The following CLDN20 variants were observed in gnomAD, a reference collection of about 807,000 sequenced individuals.
The protein encoded by CLDN20 is claudin-20.
For missense variants in CLDN20, 258 were observed against 267.9 expected (o/e 0.96, Z 0.26); for synonymous variants, 104 against 103.6 (o/e 1.00, Z -0.03).
chr6:155,273,641 A>C (rs9397798), intron 1 of CLDN20, among the ~76,000 whole-genome samples: 12 of 151,874 alleles, frequency 7.9e-5, no homozygotes, highest in African/African-American at 2.4e-4. Flanking sequence ...CTGGTTCCCA[A>C]GGGAAACACA....
Position 155,276,414 on chromosome 6 carries a change from G to T in CLDN20, c.*35G>T. Reference sequence around the variant, plus strand: ...TAATGCATATGAAATGGAACTTTTGGGTGCCAAATGGGACTTTTAGATTAA... The same window carrying T: ...TAATGCATATGAAATGGAACTTTTGTGTGCCAAATGGGACTTTTAGATTAA... On this transcript the variant is annotated 3_prime_UTR_variant, in exon 2 of 2. Coordinates refer to ENST00000367165, the MANE Select transcript of CLDN20 (RefSeq NM_001001346.3). 1 of 1,554,002 alleles carries T rather than the reference G, an allele frequency of 6.4e-7. No homozygotes were observed. Among genetic ancestry groups the T allele is most frequent in the East Asian group, 2.3e-5 (1 of 44,136 alleles).
At chr6:155,268,657 C>T (rs747274445) in intron 1 of CLDN20, among the ~76,000 whole-genome samples, 4 of 152,024 alleles carry the variant, frequency 2.6e-5, no homozygotes, top group African/African-American at 9.7e-5. Flanking sequence ...ACCCCCAACC[C>T]GGTGCTCTCT....
chr6:155,274,591 C>CA (rs1456988191), intron 1 of CLDN20, among the ~76,000 whole-genome samples: 1 of 152,236 alleles, frequency 6.6e-6, no homozygotes, highest in Non-Finnish European at 1.5e-5. Context: ...GAAAGGACCT[C>CA]ATGTTCTTAT....
intron 1 of CLDN20, among the ~76,000 whole-genome samples, chr6:155,271,117 T>G (rs1254307277): frequency 6.6e-6 from 1 of 152,210 alleles, no homozygotes; most frequent in East Asian, 1.9e-4. Context: ...AAACATGTGT[T>G]TGTTTATTTA....
At chr6:155,267,545 T>C (rs1312398630) in intron 1 of CLDN20, among the ~76,000 whole-genome samples, 1 of 152,224 alleles carries the variant, frequency 6.6e-6, no homozygotes, top group Non-Finnish European at 1.5e-5. Flanking sequence ...GGACAAGCTC[T>C]GATTGGTGAG....
In CLDN20 at chr6:155,276,438, A is replaced by G. The variant is rs750017875; in HGVS notation, c.*59A>G. ...GGGTGCCAAATGGGACTTTTAGATTAAAAAAAAATCAGAATTATGCTTAAC... is the reference window on the plus strand; with the variant it reads ...GGGTGCCAAATGGGACTTTTAGATTGAAAAAAAATCAGAATTATGCTTAAC... On this transcript the variant is annotated 3_prime_UTR_variant, in exon 2 of 2. Coordinates refer to ENST00000367165, the MANE Select transcript of CLDN20 (RefSeq NM_001001346.3). The G allele has an allele frequency of 2.4e-5, 32 of 1,314,710 alleles. No homozygotes were observed. The highest frequency in any genetic ancestry group is 3.3e-5 in the Non-Finnish European group (32 of 957,754). 81.4% of individuals were successfully genotyped at this position (1,314,710 alleles called of 1,614,324 possible).
At chr6:155,271,728 A>G (rs1784925702) in intron 1 of CLDN20, among the ~76,000 whole-genome samples, 1 of 152,228 alleles carries the variant, frequency 6.6e-6, no homozygotes, top group African/African-American at 2.4e-5. Context: ...AGGACATAAA[A>G]TAATACATTA....
chr6:155,271,788 TA>T (rs1364309136), intron 1 of CLDN20, among the ~76,000 whole-genome samples: 1 of 152,202 alleles, frequency 6.6e-6, no homozygotes, highest in Non-Finnish European at 1.5e-5. Flanking sequence ...ACTATGTGAC[TA>T]AAACATTATA....
chr6:155,275,914 C>G lies in CLDN20; in HGVS notation c.195C>G (p.Ala65=). The G allele has an allele frequency of 6.2e-7, 1 of 1,614,108 alleles. No individual in the cohort carries two copies. The highest frequency in any genetic ancestry group is 8.5e-7 in the Non-Finnish European group (1 of 1,180,026). Residue 65 remains alanine (A), a synonymous_variant, in exon 2 of 2, where the codon GCC becomes GCG. Transcript: ENST00000367165. ...ACAGCACTGGGATGTTCAGCTGTGC[C>G]CTGAAACACTCCATTCTGTCCCTCC... ...TWYSTGMFSC[A]LKHSILSLPI...
At chr6:155,266,971 T>C (rs1370595553) in intron 1 of CLDN20, among the ~76,000 whole-genome samples, 2 of 50,602 alleles carry the variant, frequency 4.0e-5, no homozygotes, top group East Asian at 1.8e-3. Flanking sequence ...CTTTGCTGCC[T>C]TTTTTTTTTT....
At chr6:155,275,531 T>G in intron 1 of CLDN20, 85 bp from the exon 2 acceptor site, 2 of 593,132 alleles carry the variant, frequency 3.4e-6, no homozygotes, top group Non-Finnish European at 6.0e-6. Flanking sequence ...GATACTCAGA[T>G]GTGTTCTTGG....
At chr6:155,275,020 C>T (rs1785106510) in intron 1 of CLDN20, among the ~76,000 whole-genome samples, 1 of 151,734 alleles carries the variant, frequency 6.6e-6, no homozygotes, top group South Asian at 2.1e-4. Context: ...AGATCGAGAC[C>T]ATCCTGGCTA....
At chr6:155,267,134 C>A (rs78813843) in intron 1 of CLDN20, among the ~76,000 whole-genome samples, 1 of 151,718 alleles carries the variant, frequency 6.6e-6, no homozygotes, top group African/African-American at 2.4e-5. Context: ...GGCACCACAC[C>A]CGGCCAATTT....
chr6:155,275,101 C>A (rs933271840), intron 1 of CLDN20, among the ~76,000 whole-genome samples: 1 of 151,848 alleles, frequency 6.6e-6, no homozygotes, highest in Non-Finnish European at 1.5e-5. Context: ...TGGCGGGCGC[C>A]TGTAGTCCCA....
intron 1 of CLDN20, among the ~76,000 whole-genome samples, chr6:155,267,578 T>A (rs1562391272): frequency 6.6e-6 from 1 of 152,172 alleles, no homozygotes; most frequent in Non-Finnish European, 1.5e-5. Flanking sequence ...GTAAAACCAG[T>A]CTTAGAGTCA....
intron 1 of CLDN20, among the ~76,000 whole-genome samples, chr6:155,268,328 G>A (rs1266409041): frequency 6.6e-6 from 1 of 152,176 alleles, no homozygotes; most frequent in Non-Finnish European, 1.5e-5. Flanking sequence ...CCTTCTTGAA[G>A]AAAATGTCAG....
intron 1 of CLDN20, among the ~76,000 whole-genome samples, chr6:155,274,552 G>A (rs965876925): frequency 4.6e-5 from 7 of 152,178 alleles, no homozygotes; most frequent in Admixed American, 3.3e-4. Context: ...GGCTTCATTT[G>A]GGCCAGGAAA....
chr6:155,267,581 T>TA (rs1255014296), intron 1 of CLDN20, among the ~76,000 whole-genome samples: 4 of 152,192 alleles, frequency 2.6e-5, no homozygotes, highest in Admixed American at 6.5e-5. Context: ...AAACCAGTCT[T>TA]AGAGTCACAG....
In CLDN20 at chr6:155,269,319, C is replaced by CT. The variant is rs1245980310; in HGVS notation, c.-105+5035dup. On this transcript the variant is annotated intron_variant, in intron 1 of 1. Transcript: ENST00000367165. ...CTGTAGCTTAGTTTTCTTTTCTTTT[C>CT]TTTTCTTTTTTTTTTTTTTTGAGAT... 4.1e-5 allele frequency among the ~76,000 whole-genome samples: 4 copies of CT among 98,016 alleles called. No individual in the cohort carries two copies. The South Asian group carries it at 1.5e-3, about 37-fold the overall frequency. The allele number at this position is 98,016 out of a possible 152,430, so 64.3% of individuals were successfully genotyped here.
Sources: gnomAD v4.1 joint callset for allele counts (sites outside exome capture counted in the v4.1 genomes callset) on GRCh38, gnomAD v4.1.1 for gene constraint, MANE v1.5 for transcripts, NCBI Gene and HGNC (gene_info 2026-07-23, HGNC 2026-07-21) for gene names.